Variants in ABR observed in about 807,000 individuals in gnomAD.
ABR encodes the protein active breakpoint cluster region-related protein.
ABR carries 35 observed loss-of-function variants against 107.2 expected under a neutral mutation model. The observed-to-expected ratio is 0.33, with a 90% CI of 0.25 to 0.43. ABR has a LOEUF of 0.43. ABR is among the 20% of genes least tolerant of loss of function. The pLI is 1.00. For synonymous variants in ABR, 498 were observed against 462.0 expected (o/e 1.08, Z -1.00); for missense variants, 815 against 1,115.2 (o/e 0.73, Z 3.83).
At chr17:1,161,929 G>T (rs987142120) in intron 1 of ABR, among the ~76,000 whole-genome samples, 1 of 152,166 alleles carries the variant, frequency 6.6e-6, no homozygotes, top group African/African-American at 2.4e-5. Flanking sequence ...ACTAGCTAAT[G>T]GTAATCATAG....
chr17:1,079,419 C>T, intron 5 of ABR, 29 bp from the exon 6 acceptor site: 1 of 1,599,118 alleles, frequency 6.3e-7, no homozygotes, highest in African/African-American at 1.3e-5. Context: ...GAGTCATGGC[C>T]TGTTCTGTCC....
intron 8 of ABR, among the ~76,000 whole-genome samples, chr17:1,072,399 G>A (rs777379645): frequency 9.9e-3 from 1,434 of 144,488 alleles, no homozygotes; most frequent in Non-Finnish European, 0.017. Context: ...CCTGCCGCCC[G>A]TGTGTGAGAG....
intron 10 of ABR, among the ~76,000 whole-genome samples, chr17:1,066,190 CT>C (rs2034719808): frequency 6.6e-6 from 1 of 152,274 alleles, no homozygotes; most frequent in East Asian, 1.9e-4. Flanking sequence ...GACCAATATT[CT>C]TGTTCACTTC....
chr17:1,122,300 T>C (rs935332700), intron 2 of ABR, among the ~76,000 whole-genome samples: 3 of 152,256 alleles, frequency 2.0e-5, no homozygotes, highest in African/African-American at 7.2e-5. Context: ...TAGGCCAACC[T>C]GACTAGGCCA....
intron 3 of ABR, among the ~76,000 whole-genome samples, chr17:1,098,319 C>T (rs1045250146): frequency 2.0e-5 from 3 of 151,916 alleles, no homozygotes; most frequent in East Asian, 1.9e-4. Context: ...CCTTGTGATC[C>T]GCCCACCTCA....
At chr17:1,165,683 C>G (rs369711439) in intron 1 of ABR, among the ~76,000 whole-genome samples, 1 of 152,174 alleles carries the variant, frequency 6.6e-6, no homozygotes, top group Non-Finnish European at 1.5e-5. Flanking sequence ...AGGCATCCAC[C>G]ACCACGCCCA....
chr17:1,102,860 A>G (rs909310607), intron 2 of ABR, among the ~76,000 whole-genome samples: 3 of 151,998 alleles, frequency 2.0e-5, no homozygotes, highest in Admixed American at 6.6e-5. Flanking sequence ...ACAGGCGTCC[A>G]CCATCACACC....
At position 1,051,248 on chromosome 17, in the gene ABR, T is replaced by C. The variant is rs960823948; in HGVS notation, c.1562-614A>G. On this transcript the variant is annotated intron_variant, in intron 14 of 22. Transcript: ENST00000302538. The surrounding 1 kb of genome is among the most constrained non-coding windows in gnomAD (Gnocchi z 4.3). Reference sequence around the variant, plus strand: ...AAACCAAAGGGATCTTCTCTACTCGTGCGTCCCTAGTCTCTCTCCCCCCAC... The same window carrying C: ...AAACCAAAGGGATCTTCTCTACTCGCGCGTCCCTAGTCTCTCTCCCCCCAC... Among the ~76,000 whole-genome samples the C allele has an allele frequency of 6.6e-6, 1 of 152,068 alleles. No individual in the cohort carries two copies. The highest frequency in any genetic ancestry group is 1.5e-5 in the Non-Finnish European group (1 of 68,012).
rs1007024035 is a variant in ABR at position 1,037,742 on chromosome 17, T to C, written c.1791+12308A>G. On this transcript the variant is annotated intron_variant, in intron 16 of 22. Coordinates refer to ENST00000302538, the MANE Select transcript of ABR (RefSeq NM_021962.5). The surrounding 1 kb of genome is among the most constrained non-coding windows in gnomAD (Gnocchi z 4.6). ...GCCTGAGGCAGGAGGGGCTGAGGCC[T>C]GAAGGTGGGATGGGGTCGCCGAGCC... Among the ~76,000 whole-genome samples the C allele has an allele frequency of 6.6e-6, 1 of 152,088 alleles. No homozygotes were observed. Among genetic ancestry groups the C allele is most frequent in the Non-Finnish European group, 1.5e-5 (1 of 67,998 alleles).
intron 3 of ABR, among the ~76,000 whole-genome samples, chr17:1,098,408 G>GT (rs1391391106): frequency 8.5e-5 from 13 of 152,282 alleles, no homozygotes; most frequent in Admixed American, 8.5e-4. Flanking sequence ...CACAACAGGT[G>GT]TAAGACACCA....
intron 1 of ABR, among the ~76,000 whole-genome samples, chr17:1,212,250 A>G (rs546998469): frequency 3.8e-4 from 58 of 151,514 alleles, no homozygotes; most frequent in Middle Eastern, 6.8e-3. Flanking sequence ...GCAACAGAGC[A>G]AGACCTCATC....
At chr17:1,147,364 GTTTT>G (rs553493542) in intron 1 of ABR, among the ~76,000 whole-genome samples, 1 of 141,692 alleles carries the variant, frequency 7.1e-6, no homozygotes, top group Admixed American at 7.0e-5. Context: ...GGTTTTGGTT[GTTTT>G]TTTTTTTTTT....
intron 2 of ABR, among the ~76,000 whole-genome samples, chr17:1,115,070 C>T (rs2038921947): frequency 6.6e-6 from 1 of 152,164 alleles, no homozygotes; most frequent in Non-Finnish European, 1.5e-5. Context: ...CACACAAGGC[C>T]TTGACAGCTG....
chr17:1,199,635 G>T (rs763704037), intron 1 of ABR, among the ~76,000 whole-genome samples: 1 of 146,918 alleles, frequency 6.8e-6, no homozygotes, highest in Non-Finnish European at 1.5e-5. Flanking sequence ...TTTCAGTAGA[G>T]ACAGGGTTTC....
chr17:1,217,051 A>G (rs1284768028), intron 1 of ABR, among the ~76,000 whole-genome samples: 1 of 152,186 alleles, frequency 6.6e-6, no homozygotes, highest in Non-Finnish European at 1.5e-5. Flanking sequence ...GAGGCTCATT[A>G]GAGATGGGAC....
intron 16 of ABR, among the ~76,000 whole-genome samples, chr17:1,036,485 G>A (rs941920468): frequency 2.6e-5 from 4 of 151,250 alleles, no homozygotes; most frequent in Non-Finnish European, 5.9e-5. Flanking sequence ...GGGCGGACCC[G>A]AGGCTGGGGG....
At chr17:1,098,365 C>T (rs1027780030) in intron 3 of ABR, among the ~76,000 whole-genome samples, 4 of 152,000 alleles carry the variant, frequency 2.6e-5, no homozygotes, top group African/African-American at 4.8e-5. Context: ...GCTTGAGACA[C>T]GGCGCCCGGC....
intron 1 of ABR, among the ~76,000 whole-genome samples, chr17:1,205,844 G>A (rs1372450015): frequency 6.6e-6 from 1 of 152,218 alleles, no homozygotes; most frequent in Non-Finnish European, 1.5e-5. Context: ...TCAGAAGGCT[G>A]CGGCAGGAGA....
intron 1 of ABR, among the ~76,000 whole-genome samples, chr17:1,158,529 G>A (rs991253277): frequency 2.6e-5 from 4 of 151,912 alleles, no homozygotes; most frequent in African/African-American, 7.2e-5. Context: ...TTGGGAGGCC[G>A]AGACAGGCAG....
Sources: allele counts gnomAD v4.1 joint callset (sites outside exome capture counted in the v4.1 genomes callset), GRCh38; gene constraint gnomAD v4.1.1; non-coding constraint Gnocchi (gnomAD v3.1); transcripts MANE v1.5; gene names NCBI Gene and HGNC (gene_info 2026-07-23, HGNC 2026-07-21).